Variants in PADI1 observed in about 807,000 individuals in gnomAD.
PADI1 encodes protein-arginine deiminase type-1.
Under a neutral mutation model 74.8 loss-of-function variants are expected in PADI1, and 65 were observed. The ratio of observed to expected loss-of-function variants is 0.87; its 90% confidence interval spans 0.71 to 1.07. PADI1 has a LOEUF of 1.07. Among genes scored for constraint, PADI1 ranks in the 50% least tolerant of loss-of-function variants. The probability of loss-of-function intolerance (pLI) is 0.00; values close to 1 mark genes in which losing one functional copy is unlikely to be tolerated. For synonymous variants in PADI1, 371 were observed against 336.2 expected, an observed-to-expected ratio of 1.10 and a Z score of -1.13; for missense variants, 943 against 854.0, an observed-to-expected ratio of 1.10 and a Z score of -1.30.
Position 17,230,208 on chromosome 1 carries a change from G to A in PADI1, c.1053G>A (p.Gln351=). The change falls in exon 9 of 16, where the codon CAG becomes CAA. Residue 351 remains glutamine (Q), a splice_region_variant and synonymous_variant. Coordinates refer to ENST00000375471, the MANE Select transcript of PADI1 (RefSeq NM_013358.3). ...AAAATCGAAATGACCGCTGGATCCA[G>A]GTGGGAGCTGGGGGCAGCTCGGGAA... The part of the protein sequence containing the change: ...QVENRNDRWI[Q]DEMEFGYIEA... The A allele has an allele frequency of 6.2e-7, 1 of 1,613,330 alleles. No individual in the cohort carries two copies. Among genetic ancestry groups the A allele is most frequent in the Non-Finnish European group, 8.5e-7 (1 of 1,179,600 alleles).
rs781357734 is a variant in PADI1 at position 17,238,695 on chromosome 1, C to T, written c.1538C>T (p.Ala513Val). 2.6e-6 allele frequency: 4 copies of T among 1,528,642 alleles called. No homozygotes were observed. The African/African-American group carries it at 4.2e-5, about 16-fold the overall frequency. The allele number at this position is 1,528,642 out of a possible 1,614,324, so 94.7% of individuals were successfully genotyped here. A position where few individuals can be genotyped will look rare whatever the true frequency, so the allele number is the denominator to read the frequency against. ...AAGAAAGAAGAGGGTTATGGGGAGGCAGCCCAGTTTGATGGTGAGTGCCAA... is the reference window on the plus strand; with the variant it reads ...AAGAAAGAAGAGGGTTATGGGGAGGTAGCCCAGTTTGATGGTGAGTGCCAA... The part of the protein sequence containing the change: ...QEKKEEGYGE[A>V]AQFDGLKHQA... Residue 513 changes from alanine to valine, a missense_variant, in exon 13 of 16, where the codon GCA becomes GTA. By Grantham distance (64) the Ala-to-Val change is moderately conservative. Transcript: ENST00000375471.
At position 17,206,337 on chromosome 1, in the gene PADI1, T is replaced by C. The variant is rs148789368; in HGVS notation, c.92+1028T>C. On this transcript the variant is annotated intron_variant, in intron 1 of 15. Coordinates refer to ENST00000375471, the MANE Select transcript of PADI1 (RefSeq NM_013358.3). ...CACCTGGCCTCTGGTGATCCTCTGC[T>C]CGAGAAGCCCTTCCTGCTTCTCTGT... Among the ~76,000 whole-genome samples, 757 of 152,328 alleles carry C rather than the reference T, an allele frequency of 5.0e-3. 5 individuals carry two copies. The highest frequency in any genetic ancestry group is 0.017 in the African/African-American group (719 of 41,578).
At chr1:17,242,826 C>CCCTGGA (rs2072804249) in intron 15 of PADI1, among the ~76,000 whole-genome samples, 1 of 152,196 alleles carries the variant, frequency 6.6e-6, no homozygotes, top group African/African-American at 2.4e-5. Context: ...CTGGCTCTGG[C>CCCTGGA]CCTGGTCCTG....
chr1:17,219,088 G>A (rs1340806652), intron 1 of PADI1, among the ~76,000 whole-genome samples: 1 of 152,226 alleles, frequency 6.6e-6, no homozygotes, highest in African/African-American at 2.4e-5. Flanking sequence ...CAGCAGTCAT[G>A]AGTCCAAGTG....
intron 3 of PADI1, 130 bp downstream of exon 3, chr1:17,223,823 C>T: frequency 1.4e-6 from 1 of 726,034 alleles, no homozygotes; most frequent in Non-Finnish European, 2.4e-6. Context: ...GGCTTGGATT[C>T]CTCGGGACCT....
intron 1 of PADI1, among the ~76,000 whole-genome samples, chr1:17,209,680 C>A (rs2100394577): frequency 6.6e-6 from 1 of 152,210 alleles, no homozygotes; most frequent in Admixed American, 6.5e-5. Context: ...TCACTCTGAG[C>A]CTTCTTCTCT....
Position 17,205,307 on chromosome 1 carries a change from C to A in PADI1, c.90C>A (p.His30Gln), listed in dbSNP as rs755183719. ...VVGVEAHVDI[H>Q]SDVPKGANSF... is the part of the protein sequence containing the mutation. ...GAGTCGAGGCACATGTGGACATTCA[C>A]AGGTAAGAGCTGGGAGGCGCTCTCC... The change falls in exon 1 of 16, where the codon CAC becomes CAA. Residue 30 changes from histidine to glutamine, a missense_variant and splice_region_variant. His to Gln is a conservative substitution (Grantham distance 24). Transcript: ENST00000375471. 4 of 1,612,994 alleles carry A rather than the reference C, an allele frequency of 2.5e-6. No individual in the cohort carries two copies. In the East Asian group the frequency reaches 6.7e-5, roughly 27 times the overall value.
chr1:17,236,301 C>T (rs948369420), intron 11 of PADI1, among the ~76,000 whole-genome samples: 29 of 152,190 alleles, frequency 1.9e-4, no homozygotes, highest in African/African-American at 6.8e-4. Flanking sequence ...GGACTCAACT[C>T]CCTCACCTGT....
intron 2 of PADI1, 24 bp from the exon 3 acceptor site, chr1:17,223,597 C>A (rs2072222836): frequency 5.0e-6 from 8 of 1,598,796 alleles, no homozygotes; most frequent in Middle Eastern, 1.7e-4. Flanking sequence ...GATGGCCGTG[C>A]AGGCTTAGGG....
intron 9 of PADI1, 97 bp downstream of exon 9, chr1:17,230,305 C>G: frequency 2.0e-6 from 3 of 1,465,446 alleles, no homozygotes; most frequent in Admixed American, 2.1e-5. Flanking sequence ...AGAGAAGCCA[C>G]GGCAGCCTGG....
rs533446216 is a variant in PADI1, at chr1:17,214,895, G to A, written c.93-7395G>A. Among the ~76,000 whole-genome samples the A allele has an allele frequency of 1.4e-3, 219 of 152,330 alleles. 1 individual carries two copies. The highest frequency in any genetic ancestry group is 3.6e-3 in the Admixed American group (55 of 15,306). ...ATCAAAGGCAGCGCAGGGCTCACCC[G>A]GCATAACCTGCCTTGCTTGGGTGCC... On this transcript the variant is annotated intron_variant, in intron 1 of 15. Transcript: ENST00000375471.
rs759357661 is a variant in PADI1 at position 17,228,785 on chromosome 1, G to C, written c.813G>C (p.Leu271=). 1 of 1,614,058 alleles carries C rather than the reference G, an allele frequency of 6.2e-7. No homozygotes were observed. Among genetic ancestry groups the C allele is most frequent in the Non-Finnish European group, 8.5e-7 (1 of 1,179,986 alleles). ...FLGLVSLSVS[L]VDPGTLPEVT... is the part of the protein sequence containing the mutation. ...GGCTGGTTTCCCTCAGTGTCAGCCT[G>C]GTGGACCCGGGGGTGTGTACAGCAC... Residue 271 remains leucine (L), a synonymous_variant, in exon 7 of 16, where the codon CTG becomes CTC. Transcript: ENST00000375471.
intron 9 of PADI1, 134 bp from the exon 10 acceptor site, chr1:17,230,438 C>A: frequency 1.4e-6 from 1 of 731,166 alleles, no homozygotes; most frequent in Non-Finnish European, 2.2e-6. Flanking sequence ...AGAGGCCTCA[C>A]TTCTACCTCT....
intron 1 of PADI1, among the ~76,000 whole-genome samples, chr1:17,210,732 T>A (rs1249385668): frequency 1.3e-5 from 2 of 152,274 alleles, no homozygotes; most frequent in Non-Finnish European, 2.9e-5. Context: ...GTCTGGGACA[T>A]CAGCCATTGC....
intron 6 of PADI1, among the ~76,000 whole-genome samples, chr1:17,227,005 C>T (rs1445570160): frequency 6.6e-6 from 1 of 151,014 alleles, no homozygotes; most frequent in Non-Finnish European, 1.5e-5. Context: ...GCACTCCAGC[C>T]TGGGCGACAG....
chr1:17,240,730 C>A lies in PADI1; in HGVS notation c.1728C>A (p.Asn576Lys), dbSNP rs1447913786. 2.5e-6 allele frequency: 4 copies of A among 1,614,106 alleles called. No individual in the cohort carries two copies. Among genetic ancestry groups the A allele is most frequent in the Non-Finnish European group, 3.4e-6 (4 of 1,179,940 alleles). The change falls in exon 15 of 16, where the codon AAC (asparagine) becomes AAA (lysine). Residue 576 changes from asparagine (N) to lysine (K), a missense_variant. Coordinates refer to ENST00000375471, the MANE Select transcript of PADI1 (RefSeq NM_013358.3). ...TTCCCCAGCTCTTCTTCCTGAAAAACTTCTACGCGGAAGCCTTCTTCCCAG... is the reference window on the plus strand; with the variant it reads ...TTCCCCAGCTCTTCTTCCTGAAAAAATTCTACGCGGAAGCCTTCTTCCCAG... ...VDIPQLFFLK[N>K]FYAEAFFPDM...
chr1:17,229,016 C>A lies in PADI1; in HGVS notation c.894C>A (p.Pro298=). 6.3e-7 allele frequency: 1 copy of A among 1,584,210 alleles called. No homozygotes were observed. Among genetic ancestry groups the A allele is most frequent in the Non-Finnish European group, 8.6e-7 (1 of 1,163,848 alleles). ...GFRMAPWIMT[P]NTQPPEELYV... ...GCATGGCCCCCTGGATCATGACGCC[C>A]AACACTCAGCCTCCTGAGGAGCTGT... The change falls in exon 8 of 16, where the codon CCC becomes CCA. Residue 298 remains proline (P), a synonymous_variant. Coordinates refer to ENST00000375471, the MANE Select transcript of PADI1 (RefSeq NM_013358.3).
chr1:17,240,113 A>T (rs3003414), intron 14 of PADI1: 32 of 313,376 alleles, frequency 1.0e-4, no homozygotes, highest in African/African-American at 2.5e-4. Flanking sequence ...TAGGACCTTG[A>T]GGGGCCCAGA....
chr1:17,213,091 G>C (rs1261848818), intron 1 of PADI1, among the ~76,000 whole-genome samples: 1 of 152,032 alleles, frequency 6.6e-6, no homozygotes. Flanking sequence ...TTTAATACCA[G>C]CCAGGACAGC....
Sources: gnomAD v4.1 joint callset for allele counts (sites outside exome capture counted in the v4.1 genomes callset) on GRCh38, gnomAD v4.1.1 for gene constraint, MANE v1.5 for transcripts, NCBI Gene and HGNC (gene_info 2026-07-23, HGNC 2026-07-21) for gene names.